The following AKR1B10 variants were observed in gnomAD, a reference collection of about 807,000 sequenced individuals.
AKR1B10 encodes the protein ARP.
Under a neutral mutation model 38.9 loss-of-function variants are expected in AKR1B10, and 39 were observed. The observed-to-expected ratio is 1.00, with a 90% CI of 0.78 to 1.31. AKR1B10 has a LOEUF of 1.31. Among genes scored for constraint, AKR1B10 ranks in the 50% most tolerant of loss-of-function variants. AKR1B10 has a pLI of 0.00. For missense variants in AKR1B10, 361 were observed against 382.6 expected (o/e 0.94, Z 0.47); for synonymous variants, 148 against 141.2 (o/e 1.05, Z -0.34).
intron 2 of AKR1B10, among the ~76,000 whole-genome samples, chr7:134,531,580 T>C: frequency 6.6e-6 from 1 of 152,196 alleles, no homozygotes; most frequent in East Asian, 1.9e-4. Flanking sequence ...CTACACACAA[T>C]TCCTGCTCTC....
chr7:134,537,861 C>G (rs1808054870), intron 7 of AKR1B10, among the ~76,000 whole-genome samples, 200 bp downstream of exon 7: 2 of 151,978 alleles, frequency 1.3e-5, no homozygotes, highest in Non-Finnish European at 2.9e-5. Context: ...TTCTGTCTCA[C>G]AGCTTCCTGT....
At chr7:134,533,176 T>G (rs1250765020) in intron 4 of AKR1B10, 95 bp downstream of exon 4, 1 of 993,630 alleles carries the variant, frequency 1.0e-6, no homozygotes, top group African/African-American at 1.7e-5. Flanking sequence ...TGCCTGATGC[T>G]TTCTAATTTC....
intron 4 of AKR1B10, among the ~76,000 whole-genome samples, chr7:134,535,337 G>A (rs2117547012): frequency 6.6e-6 from 1 of 152,032 alleles, no homozygotes. Flanking sequence ...ACTTACCCTA[G>A]GTTACTCAAA....
intron 1 of AKR1B10, 97 bp downstream of exon 1, chr7:134,528,074 G>T: frequency 6.7e-7 from 1 of 1,489,084 alleles, no homozygotes; most frequent in East Asian, 2.4e-5. Flanking sequence ...AGGTCGGGCA[G>T]GGGTTGGAGA....
At chr7:134,528,094 C>A in intron 1 of AKR1B10, 117 bp downstream of exon 1, 3 of 1,339,134 alleles carry the variant, frequency 2.2e-6, no homozygotes, top group Admixed American at 2.0e-5. Flanking sequence ...AGGTAAGATT[C>A]AGCCCTGGAG....
chr7:134,531,501 G>T (rs1246591428), intron 2 of AKR1B10, among the ~76,000 whole-genome samples: 1 of 152,098 alleles, frequency 6.6e-6, no homozygotes, highest in Non-Finnish European at 1.5e-5. Context: ...CTTGATAAGG[G>T]ACCTATCAGA....
chr7:134,538,170 G>A (rs763014179), intron 7 of AKR1B10, 24 bp from the exon 8 acceptor site: 47 of 1,604,632 alleles, frequency 2.9e-5, no homozygotes, highest in East Asian at 1.1e-4. Flanking sequence ...CTGAGTGGAA[G>A]CCTGATGTCC....
chr7:134,532,136 T>C, intron 3 of AKR1B10, 112 bp downstream of exon 3: 1 of 1,284,254 alleles, frequency 7.8e-7, no homozygotes, highest in Non-Finnish European at 1.1e-6. Context: ...TTGCATTTCA[T>C]AATTGGGAAT....
intron 3 of AKR1B10, among the ~76,000 whole-genome samples, chr7:134,532,263 G>C (rs1269851205): frequency 6.6e-6 from 1 of 152,170 alleles, no homozygotes; most frequent in African/African-American, 2.4e-5. Flanking sequence ...TTATGTCTGA[G>C]AGAAGACATG....
At position 134,538,273 on chromosome 7, in the gene AKR1B10, T is replaced by C. The variant is rs752101060; in HGVS notation, c.821T>C (p.Ile274Thr). The C allele has an allele frequency of 5.0e-6, 8 of 1,613,712 alleles. No homozygotes were observed. The South Asian group carries it at 6.6e-5, about 13-fold the overall frequency. Reference sequence around the variant, plus strand: ...ACACCAGCACGCATTGTTGAGAACATTCAGGTAAGTTTCCGGCTGGTCGGC... The same window carrying C: ...ACACCAGCACGCATTGTTGAGAACACTCAGGTAAGTTTCCGGCTGGTCGGC... ...SVTPARIVENIQVFDFKLSDE... is the reference protein window; with the variant it reads ...SVTPARIVENTQVFDFKLSDE... The change falls in exon 8 of 10, where the codon ATT becomes ACT. Residue 274 changes from isoleucine to threonine, a missense_variant. Physicochemically the swap from Ile to Thr is moderately conservative, Grantham distance 89 (BLOSUM62 -1). Transcript: ENST00000359579.
chr7:134,537,702 C>A (rs780841524), intron 7 of AKR1B10, 41 bp downstream of exon 7: 3 of 1,605,772 alleles, frequency 1.9e-6, no homozygotes, highest in Admixed American at 1.7e-5. Flanking sequence ...ACAACTCATT[C>A]TTCCAGTCTC....
At chr7:134,528,679 T>A (rs1346752943) in intron 1 of AKR1B10, among the ~76,000 whole-genome samples, 1 of 152,116 alleles carries the variant, frequency 6.6e-6, no homozygotes, top group African/African-American at 2.4e-5. Flanking sequence ...GAGCAGTGAT[T>A]GTGCCACTGC....
intron 1 of AKR1B10, among the ~76,000 whole-genome samples, chr7:134,528,352 C>A (rs542212132): frequency 4.6e-5 from 7 of 152,108 alleles, no homozygotes; most frequent in Admixed American, 2.0e-4. Context: ...ATGCAGAGCC[C>A]GAAGTCCTTG....
At chr7:134,538,360 C>G (rs967634324) in intron 8 of AKR1B10, 83 bp downstream of exon 8, 1 of 1,347,154 alleles carries the variant, frequency 7.4e-7, no homozygotes, top group Non-Finnish European at 1.1e-6. Context: ...CTCACCTCAT[C>G]GCTGCATTGT....
intron 1 of AKR1B10, 126 bp downstream of exon 1, chr7:134,528,103 A>T: frequency 8.0e-7 from 1 of 1,252,780 alleles, no homozygotes. Context: ...TCAGCCCTGG[A>T]GCCAGGACTT....
intron 4 of AKR1B10, among the ~76,000 whole-genome samples, chr7:134,536,280 A>C (rs542325851): frequency 6.6e-6 from 1 of 152,348 alleles, no homozygotes; most frequent in African/African-American, 2.4e-5. Flanking sequence ...TAAAAATTAA[A>C]TCATCTCATA....
intron 7 of AKR1B10, 158 bp from the exon 8 acceptor site, chr7:134,538,036 G>A (rs1490849915): frequency 3.3e-5 from 24 of 734,614 alleles, no homozygotes; most frequent in Non-Finnish European, 5.5e-5. Flanking sequence ...AGAAAGAGGT[G>A]GGGGTCTGGC....
At chr7:134,538,407 C>G (rs1808069977) in intron 8 of AKR1B10, 130 bp downstream of exon 8, 8 of 934,584 alleles carry the variant, frequency 8.6e-6, no homozygotes, top group Admixed American at 4.5e-5. Flanking sequence ...CTATCATTTT[C>G]CAGCCCAGGG....
At position 134,541,128 on chromosome 7, in the gene AKR1B10, T is replaced by G; in HGVS notation, c.*39T>G. 6.8e-7 allele frequency: 1 copy of G among 1,471,926 alleles called. No homozygotes were observed. The allele number at this position is 1,471,926 out of a possible 1,614,324, so 91.2% of individuals were successfully genotyped here. A position where few individuals can be genotyped will look rare whatever the true frequency, so the allele number is the denominator to read the frequency against. On this transcript the variant is annotated 3_prime_UTR_variant, in exon 10 of 10. Transcript: ENST00000359579. ...GGTGAGATTATACAGGAGATTCTCT[T>G]TCTTCGCTGAAGTGTGACTACCTCC... is the stretch of plus-strand genomic sequence containing the variant.
Sources: allele counts gnomAD v4.1 joint callset (sites outside exome capture counted in the v4.1 genomes callset), GRCh38; gene constraint gnomAD v4.1.1; transcripts MANE v1.5; gene names NCBI Gene and HGNC (gene_info 2026-07-23, HGNC 2026-07-21).